The following STXBP5L variants were observed in gnomAD, a reference collection of about 807,000 sequenced individuals.
STXBP5L encodes syntaxin-binding protein 5-like.
STXBP5L carries 65 observed loss-of-function variants against 144.5 expected under a neutral mutation model. The ratio of observed to expected loss-of-function variants is 0.45; its 90% confidence interval spans 0.37 to 0.55. STXBP5L has a LOEUF of 0.55. STXBP5L is among the 20% of genes least tolerant of loss of function. STXBP5L has a pLI of 0.00. For synonymous variants in STXBP5L, 505 were observed against 469.6 expected (o/e 1.08, Z -0.97); for missense variants, 1,298 against 1,405.5 (o/e 0.92, Z 1.22).
Position 121,312,838 on chromosome 3 carries a change from GA to G in STXBP5L, c.2111-5633del, listed in dbSNP as rs562047367. Reference sequence around the variant, plus strand: ...AATTTTTCCTAGTACAGAACAAAATGAAAAGTCTCCCATGTCTACTTCCATC... The same window carrying G: ...AATTTTTCCTAGTACAGAACAAAATGAAAGTCTCCCATGTCTACTTCCATC... On this transcript the variant is annotated intron_variant, in intron 19 of 26. Transcript: ENST00000471454. Among the ~76,000 whole-genome samples the G allele has an allele frequency of 4.3e-4, 65 of 152,252 alleles. 2 individuals carry two copies. The South Asian group carries it at 7.9e-3, about 18-fold the overall frequency.
In STXBP5L at chr3:121,259,290, A is replaced by G. The variant is rs1393696210; in HGVS notation, c.1958+122A>G. 1.6e-5 allele frequency: 11 copies of G among 681,806 alleles called. No homozygotes were observed. The East Asian group carries it at 2.8e-4, about 17-fold the overall frequency. The allele number at this position is 681,806 out of a possible 1,614,324, so 42.2% of individuals were successfully genotyped here. On this transcript the variant is annotated intron_variant, in intron 18 of 26. Transcript: ENST00000471454. ...CTTACCTGGATTTTTATTAGATTAAACAATATATAAGAAAAATAATTTAAA... is the reference window on the plus strand; with the variant it reads ...CTTACCTGGATTTTTATTAGATTAAGCAATATATAAGAAAAATAATTTAAA...
intron 5 of STXBP5L, among the ~76,000 whole-genome samples, chr3:121,051,764 C>G (rs920610406): frequency 2.6e-5 from 4 of 151,632 alleles, no homozygotes; most frequent in African/African-American, 9.7e-5. Context: ...AATAGAGACA[C>G]AAAAAAACCC....
At chr3:121,022,064 C>A (rs647607) in intron 3 of STXBP5L, among the ~76,000 whole-genome samples, 77,652 of 151,812 alleles carry the variant, frequency 0.51, 20,299 homozygotes, top group Admixed American at 0.6. Context: ...AAATAAACCC[C>A]ATTAGAAATG....
At chr3:121,066,362 G>GTA (rs35546907) in intron 5 of STXBP5L, among the ~76,000 whole-genome samples, 2,727 of 146,086 alleles carry the variant, frequency 0.019, 43 homozygotes, top group African/African-American at 0.047. Flanking sequence ...TCCTATAAGC[G>GTA]TATATATATA....
chr3:120,931,865 T>TTG (rs1455467268), intron 2 of STXBP5L, among the ~76,000 whole-genome samples: 2 of 152,210 alleles, frequency 1.3e-5, no homozygotes, highest in African/African-American at 2.4e-5. Context: ...ATAACAGCTA[T>TTG]TGTTACAGTG....
At chr3:121,173,500 C>T (rs112298317) in intron 9 of STXBP5L, among the ~76,000 whole-genome samples, 2,510 of 151,884 alleles carry the variant, frequency 0.017, 66 homozygotes, top group African/African-American at 0.057. Context: ...GTGAGGGGCA[C>T]CAACTCCCCA....
chr3:121,105,557 G>A (rs1472073555), intron 5 of STXBP5L, among the ~76,000 whole-genome samples: 3 of 152,024 alleles, frequency 2.0e-5, no homozygotes, highest in Non-Finnish European at 2.9e-5. Context: ...AAAAAGAATA[G>A]GCGTTGGCGT....
intron 10 of STXBP5L, among the ~76,000 whole-genome samples, chr3:121,213,102 G>A (rs2048640658): frequency 6.6e-6 from 1 of 152,180 alleles, no homozygotes; most frequent in Non-Finnish European, 1.5e-5. Flanking sequence ...AGCTTAAGGA[G>A]ATTTTGGGCT....
At chr3:120,915,394 G>A (rs1448210558) in intron 2 of STXBP5L, among the ~76,000 whole-genome samples, 1 of 152,018 alleles carries the variant, frequency 6.6e-6, no homozygotes. Context: ...GTTCTGTAAA[G>A]CCACTTACAT....
chr3:121,361,728 A>G (rs1364564829), intron 20 of STXBP5L, among the ~76,000 whole-genome samples: 1 of 151,852 alleles, frequency 6.6e-6, no homozygotes, highest in African/African-American at 2.4e-5. Flanking sequence ...TAGTTTCCTC[A>G]ACACAGCTAT....
intron 5 of STXBP5L, among the ~76,000 whole-genome samples, chr3:121,089,098 A>T (rs2042643726): frequency 1.9e-5 from 2 of 107,918 alleles, no homozygotes; most frequent in African/African-American, 7.6e-5. Context: ...ATAATAAAAA[A>T]AAAAAAAAAA....
At chr3:121,130,648 A>G (rs1208318540) in intron 7 of STXBP5L, among the ~76,000 whole-genome samples, 4 of 152,106 alleles carry the variant, frequency 2.6e-5, no homozygotes, top group African/African-American at 9.7e-5. Context: ...CTAAGGGCTA[A>G]CCCTGAATGA....
chr3:121,261,279 C>T (rs1331975306), intron 18 of STXBP5L, among the ~76,000 whole-genome samples: 2 of 152,162 alleles, frequency 1.3e-5, no homozygotes, highest in African/African-American at 4.8e-5. Context: ...GGACATCTAT[C>T]TCATAGAGAG....
At position 121,120,792 on chromosome 3, in the gene STXBP5L, C is replaced by G. The variant is rs375146377; in HGVS notation, c.606-849C>G. Among the ~76,000 whole-genome samples the G allele has an allele frequency of 1.1e-3, 172 of 151,294 alleles. 4 individuals carry two copies. In the South Asian group the frequency reaches 0.033, roughly 29 times the overall value. ...TTTTCATGTGTGCTTAAGAAAGAAACTGAAACTGTGTTAATATAATCATAA... is the reference window on the plus strand; with the variant it reads ...TTTTCATGTGTGCTTAAGAAAGAAAGTGAAACTGTGTTAATATAATCATAA... On this transcript the variant is annotated intron_variant, in intron 6 of 26. Transcript: ENST00000471454.
chr3:121,347,123 G>T (rs866411138), intron 20 of STXBP5L, among the ~76,000 whole-genome samples: 3 of 151,960 alleles, frequency 2.0e-5, no homozygotes, highest in Non-Finnish European at 2.9e-5. Context: ...TTGAATTAAT[G>T]TTTGTATAAG....
intron 18 of STXBP5L, among the ~76,000 whole-genome samples, chr3:121,270,541 C>T (rs1342862398): frequency 6.6e-6 from 1 of 152,026 alleles, no homozygotes; most frequent in Non-Finnish European, 1.5e-5. Flanking sequence ...CAACCTTCAC[C>T]TCCTGGGTTC....
In STXBP5L at chr3:121,096,203, G is replaced by C. The variant is rs72954109; in HGVS notation, c.471-18722G>C. 2.5e-3 allele frequency among the ~76,000 whole-genome samples: 381 copies of C among 152,322 alleles called. 2 individuals carry two copies. The highest frequency in any genetic ancestry group is 8.6e-3 in the African/African-American group (358 of 41,572). On this transcript the variant is annotated intron_variant, in intron 5 of 26. Transcript: ENST00000471454. ...ATCTTCTGCATCACTCATGCTGGGAGTTGTGGACTGGAGCTGTTCATATTT... is the reference window on the plus strand; with the variant it reads ...ATCTTCTGCATCACTCATGCTGGGACTTGTGGACTGGAGCTGTTCATATTT...
intron 2 of STXBP5L, among the ~76,000 whole-genome samples, chr3:120,952,599 A>G (rs770912066): frequency 3.9e-5 from 6 of 152,044 alleles, no homozygotes; most frequent in Non-Finnish European, 7.4e-5. Context: ...ATTTTGCAAC[A>G]TGGTGAATCA....
rs549353464 is a variant in STXBP5L, at chr3:121,313,365, G to A, written c.2111-5110G>A. 1.8e-3 allele frequency among the ~76,000 whole-genome samples: 226 copies of A among 128,716 alleles called. 4 individuals carry two copies. The highest frequency in any genetic ancestry group is 4.6e-3 in the Middle Eastern group (1 of 216). The allele number at this position is 128,716 out of a possible 152,430, so 84.4% of individuals were successfully genotyped here. ...GGGGCTGACCCCCCACCTCCCTCCCGGACTGGGCGGCTGGCCGGGCGGGGG... is the reference window on the plus strand; with the variant it reads ...GGGGCTGACCCCCCACCTCCCTCCCAGACTGGGCGGCTGGCCGGGCGGGGG... On this transcript the variant is annotated intron_variant, in intron 19 of 26. Transcript: ENST00000471454.
Sources: allele counts gnomAD v4.1 joint callset (sites outside exome capture counted in the v4.1 genomes callset), GRCh38; gene constraint gnomAD v4.1.1; transcripts MANE v1.5; gene names NCBI Gene and HGNC (gene_info 2026-07-23, HGNC 2026-07-21).